The following SGCZ variants were observed in gnomAD, a reference collection of about 807,000 sequenced individuals.
The protein encoded by SGCZ is sarcoglycan zeta, also known as zeta-sarcoglycan.
In SGCZ, 40 loss-of-function variants were observed where a neutral mutation model predicts 41.3. The observed-to-expected ratio is 0.97, with a 90% CI of 0.75 to 1.26. SGCZ has a LOEUF of 1.26. Among genes scored for constraint, SGCZ ranks in the 50% most tolerant of loss-of-function variants. The probability of loss-of-function intolerance (pLI) is 0.00; values close to 1 mark genes in which losing one functional copy is unlikely to be tolerated. For missense variants in SGCZ, 552 were observed against 369.8 expected (o/e 1.49, Z -4.04); for synonymous variants, 206 against 137.5 (o/e 1.50, Z -3.49).
chr8:15,000,935 T>A (rs185221158), intron 1 of SGCZ, among the ~76,000 whole-genome samples: 2 of 152,176 alleles, frequency 1.3e-5, no homozygotes, highest in African/African-American at 4.8e-5. Flanking sequence ...AATTCTTTCT[T>A]TGTGCAAGAC....
At chr8:14,402,425 G>GA (rs1563306315) in intron 2 of SGCZ, among the ~76,000 whole-genome samples, 1 of 151,186 alleles carries the variant, frequency 6.6e-6, no homozygotes, top group African/African-American at 2.5e-5. Flanking sequence ...GTTTTAGGTC[G>GA]AACGTTTAAG....
chr8:14,261,960 G>A (rs1033285437), intron 3 of SGCZ, among the ~76,000 whole-genome samples: 1 of 152,090 alleles, frequency 6.6e-6, no homozygotes, highest in Non-Finnish European at 1.5e-5. Flanking sequence ...ACTCACACGA[G>A]TTGAAAGATA....
At chr8:14,938,637 A>T (rs1474210262) in intron 1 of SGCZ, among the ~76,000 whole-genome samples, 1 of 152,100 alleles carries the variant, frequency 6.6e-6, no homozygotes, top group Non-Finnish European at 1.5e-5. Context: ...TGGGGAAGTT[A>T]AAAGTTCTAT....
At chr8:14,596,953 G>A (rs912092552) in intron 1 of SGCZ, among the ~76,000 whole-genome samples, 2 of 152,088 alleles carry the variant, frequency 1.3e-5, no homozygotes, top group African/African-American at 4.8e-5. Flanking sequence ...AAAACAACCT[G>A]TCATCAACCT....
At chr8:14,479,844 C>G (rs1801483623) in intron 2 of SGCZ, among the ~76,000 whole-genome samples, 1 of 149,890 alleles carries the variant, frequency 6.7e-6, no homozygotes, top group Non-Finnish European at 1.5e-5. Context: ...CTCCCAGGTT[C>G]AAGCAATTCT....
intron 6 of SGCZ, among the ~76,000 whole-genome samples, chr8:14,103,848 A>G (rs1563128448): frequency 6.6e-6 from 1 of 152,220 alleles, no homozygotes; most frequent in East Asian, 1.9e-4. Flanking sequence ...TCACAATCCT[A>G]CTGCTTAATA....
At chr8:14,411,458 A>T (rs1394929879) in intron 2 of SGCZ, among the ~76,000 whole-genome samples, 1 of 152,080 alleles carries the variant, frequency 6.6e-6, no homozygotes, top group Non-Finnish European at 1.5e-5. Context: ...TTATGCTGAA[A>T]CCAATATCAA....
chr8:14,418,529 C>T (rs997856399), intron 2 of SGCZ, among the ~76,000 whole-genome samples: 3 of 151,860 alleles, frequency 2.0e-5, no homozygotes, highest in Non-Finnish European at 2.9e-5. Flanking sequence ...TCACGTTTTA[C>T]TTATAAAATG....
intron 4 of SGCZ, among the ~76,000 whole-genome samples, chr8:14,218,113 C>T (rs536436194): frequency 6.6e-6 from 1 of 152,122 alleles, no homozygotes; most frequent in African/African-American, 2.4e-5. Context: ...TTGAACTGGT[C>T]CCCCTAGGCA....
intron 2 of SGCZ, among the ~76,000 whole-genome samples, chr8:14,447,553 T>C (rs1253181830): frequency 2.0e-5 from 3 of 152,092 alleles, no homozygotes; most frequent in African/African-American, 7.2e-5. Flanking sequence ...CTCAAAAGCA[T>C]TACAACATTT....
chr8:14,187,772 A>C (rs1295494384), intron 4 of SGCZ, among the ~76,000 whole-genome samples: 1 of 152,144 alleles, frequency 6.6e-6, no homozygotes, highest in Admixed American at 6.6e-5. Context: ...GAAAACATTC[A>C]AAAAAGTAAT....
At chr8:14,790,758 C>T (rs1401254813) in intron 1 of SGCZ, among the ~76,000 whole-genome samples, 2 of 152,028 alleles carry the variant, frequency 1.3e-5, no homozygotes, top group East Asian at 1.9e-4. Context: ...CAGCCAGGAA[C>T]GTTGGCTATC....
chr8:14,257,638 C>G (rs1315081867), intron 3 of SGCZ, among the ~76,000 whole-genome samples: 1 of 145,036 alleles, frequency 6.9e-6, no homozygotes, highest in East Asian at 2.1e-4. Flanking sequence ...CCTCCTCCCC[C>G]CGCCCTATGA....
intron 6 of SGCZ, among the ~76,000 whole-genome samples, chr8:14,107,241 A>AT (rs1802234666): frequency 1.3e-5 from 1 of 75,982 alleles, no homozygotes; most frequent in Non-Finnish European, 2.6e-5. Flanking sequence ...AAAATAAATA[A>AT]AAAAAAAAAA....
intron 3 of SGCZ, among the ~76,000 whole-genome samples, chr8:14,285,125 G>C (rs1800579168): frequency 6.6e-6 from 1 of 152,060 alleles, no homozygotes; most frequent in East Asian, 1.9e-4. Context: ...TCTCAACTTT[G>C]CCTGGTTTCA....
chr8:14,939,514 G>A (rs1233272421), intron 1 of SGCZ, among the ~76,000 whole-genome samples: 2 of 152,028 alleles, frequency 1.3e-5, no homozygotes, highest in Non-Finnish European at 2.9e-5. Flanking sequence ...ATCGTATGAG[G>A]ATGGTTAAAT....
At chr8:14,228,285 A>G (rs1021296736) in intron 4 of SGCZ, among the ~76,000 whole-genome samples, 1 of 152,116 alleles carries the variant, frequency 6.6e-6, no homozygotes, top group African/African-American at 2.4e-5. Context: ...ATACTTGGTT[A>G]AGTATATAAG....
intron 1 of SGCZ, among the ~76,000 whole-genome samples, chr8:14,724,824 A>G (rs755414534): frequency 2.0e-4 from 31 of 152,152 alleles, no homozygotes; most frequent in Non-Finnish European, 3.8e-4. Flanking sequence ...CACCTTAAAC[A>G]TTTATGATTT....
intron 1 of SGCZ, among the ~76,000 whole-genome samples, chr8:15,052,355 A>G (rs1585513901): frequency 6.6e-6 from 1 of 152,228 alleles, no homozygotes; most frequent in Non-Finnish European, 1.5e-5. Context: ...TGCTGAAAGC[A>G]GGTTAGAAAT....
Sources: allele counts gnomAD v4.1 joint callset (sites outside exome capture counted in the v4.1 genomes callset), GRCh38; gene constraint gnomAD v4.1.1; transcripts MANE v1.5; gene names NCBI Gene and HGNC (gene_info 2026-07-23, HGNC 2026-07-21).